RAPGEF6: variants seen among roughly 807,000 people sequenced by gnomAD.
The protein encoded by RAPGEF6 is PDZ domain containing guanine nucleotide exchange factor (GEF) 2.
In RAPGEF6, 56 loss-of-function variants were observed where a neutral mutation model predicts 171.4. The ratio of observed to expected loss-of-function variants is 0.33; its 90% confidence interval spans 0.26 to 0.41. The LOEUF (loss-of-function observed/expected upper bound fraction) is 0.41. Ranked by LOEUF, RAPGEF6 falls within the 10% of genes least tolerant of loss-of-function variation. The pLI, the probability that RAPGEF6 is intolerant of heterozygous loss-of-function variation, is 1.00. For missense variants in RAPGEF6, 1,674 were observed against 1,921.4 expected (o/e 0.87, Z 2.41); for synonymous variants, 692 against 650.1 (o/e 1.06, Z -0.98).
chr5:131,603,206 C>G, intron 3 of RAPGEF6, 65 bp downstream of exon 3: 1 of 1,170,174 alleles, frequency 8.5e-7, no homozygotes, highest in Non-Finnish European at 1.2e-6. Flanking sequence ...AAATGAATTT[C>G]AATGCTAAGA....
chr5:131,465,522 C>G (rs536009653), intron 17 of RAPGEF6, among the ~76,000 whole-genome samples: 1 of 152,136 alleles, frequency 6.6e-6, no homozygotes. Context: ...TGACTCACAC[C>G]TGTAATCCCA....
intron 7 of RAPGEF6, among the ~76,000 whole-genome samples, chr5:131,515,238 T>C (rs1757996666): frequency 6.6e-6 from 1 of 152,236 alleles, no homozygotes; most frequent in South Asian, 2.1e-4. Context: ...TTCCCATCTT[T>C]AGTATTTCAT....
chr5:131,453,994 G>A (rs577121661), intron 20 of RAPGEF6, among the ~76,000 whole-genome samples: 1 of 152,336 alleles, frequency 6.6e-6, no homozygotes, highest in South Asian at 2.1e-4. Context: ...GATCAGAAAA[G>A]CTGGACAAAA....
intron 5 of RAPGEF6, among the ~76,000 whole-genome samples, chr5:131,552,252 A>T (rs1760968703): frequency 6.6e-6 from 1 of 151,712 alleles, no homozygotes; most frequent in Admixed American, 6.6e-5. Context: ...ACAGGAAGAA[A>T]ACTTGCCTGG....
chr5:131,569,885 T>C (rs566495184), intron 4 of RAPGEF6, among the ~76,000 whole-genome samples: 81 of 151,220 alleles, frequency 5.4e-4, no homozygotes, highest in African/African-American at 1.7e-3. Context: ...CTACTAAAAA[T>C]AGAAAAATTA....
rs113498735 is a variant in RAPGEF6, at chr5:131,549,215, T to C, written c.352-1025A>G. The stretch of plus-strand genomic sequence containing the variant: ...AATTAACTATTTTTATAAAGGTATA[T>C]TGATATGCTCTAAAAATCTACCTTT... On this transcript the variant is annotated intron_variant, in intron 5 of 27. Coordinates refer to ENST00000509018, the MANE Select transcript of RAPGEF6 (RefSeq NM_016340.6). Among the ~76,000 whole-genome samples, 593 of 152,312 alleles carry C rather than the reference T, an allele frequency of 3.9e-3. 4 individuals are homozygous for C. Among genetic ancestry groups the C allele is most frequent in the African/African-American group, 0.013 (544 of 41,566 alleles).
At chr5:131,441,918 T>C (rs1170966656) in intron 23 of RAPGEF6, among the ~76,000 whole-genome samples, 1 of 152,208 alleles carries the variant, frequency 6.6e-6, no homozygotes, top group East Asian at 1.9e-4. Flanking sequence ...CTATATTTTA[T>C]AAAAGTTATA....
chr5:131,450,708 T>C (rs768873582), intron 21 of RAPGEF6, among the ~76,000 whole-genome samples: 1 of 152,216 alleles, frequency 6.6e-6, no homozygotes, highest in Non-Finnish European at 1.5e-5. Flanking sequence ...TAGATACTCA[T>C]ACACCACCAA....
chr5:131,455,908 G>T lies in RAPGEF6; in HGVS notation c.2969C>A (p.Ser990Tyr). ...ATTTCTATACTTTGCCATGTTTCTA[G>T]ATGGATCAAAAATGTCTTGTAGATC... The part of the protein sequence containing the change: ...LQDLQDIFDP[S>Y]RNMAKYRNIL... Residue 990 changes from serine to tyrosine, a missense_variant, in exon 20 of 28, where the codon TCT (serine) becomes TAT (tyrosine). By Grantham distance (144) the Ser-to-Tyr change is moderately radical (BLOSUM62 -2). Coordinates refer to ENST00000509018, the MANE Select transcript of RAPGEF6 (RefSeq NM_016340.6). 6.2e-7 allele frequency: 1 copy of T among 1,613,922 alleles called. No individual in the cohort carries two copies. The highest frequency in any genetic ancestry group is 8.5e-7 in the Non-Finnish European group (1 of 1,179,834).
chr5:131,568,358 G>T (rs1312259371), intron 4 of RAPGEF6, among the ~76,000 whole-genome samples: 3 of 148,968 alleles, frequency 2.0e-5, no homozygotes, highest in Admixed American at 2.0e-4. Context: ...TAGAGATAGG[G>T]TCTCATTCTG....
chr5:131,461,740 T>C lies in RAPGEF6; in HGVS notation c.2829A>G (p.Glu943=). 6.2e-7 allele frequency: 1 copy of C among 1,604,496 alleles called. No individual in the cohort carries two copies. Among genetic ancestry groups the C allele is most frequent in the Non-Finnish European group, 8.5e-7 (1 of 1,172,302 alleles). Residue 943 remains glutamate (E), a synonymous_variant, in exon 19 of 28, where the codon GAA becomes GAG. Transcript: ENST00000509018. ...HFIKIALHCR[E]CKNFNSMFAI... ...CAAACATGGAATTGAAGTTCTTACA[T>C]TCTCGACAATGAAGTGCAATTTTAA...
intron 1 of RAPGEF6, among the ~76,000 whole-genome samples, chr5:131,611,980 G>A (rs1764958566): frequency 2.0e-5 from 3 of 152,048 alleles, no homozygotes; most frequent in Admixed American, 2.0e-4. Context: ...AAGATTTCCT[G>A]ACTTTACAAT....
intron 20 of RAPGEF6, among the ~76,000 whole-genome samples, chr5:131,453,945 G>C (rs1294849027): frequency 6.6e-6 from 1 of 152,204 alleles, no homozygotes; most frequent in Non-Finnish European, 1.5e-5. Flanking sequence ...TGAAAGAAGA[G>C]GCAGTAAGAC....
chr5:131,485,162 A>G (rs1316844837), intron 15 of RAPGEF6, among the ~76,000 whole-genome samples: 1 of 152,114 alleles, frequency 6.6e-6, no homozygotes, highest in African/African-American at 2.4e-5. Context: ...CCTAGCCTCA[A>G]GTGATCCTCC....
rs1751350619 is a variant in RAPGEF6 at position 131,425,401 on chromosome 5, A to G, written c.*1865T>C. ...GTGGCCATGAAAACAAAATTATGCAAATCAGTGAAGGAAAAAATGTATAAT... is the reference window on the plus strand; with the variant it reads ...GTGGCCATGAAAACAAAATTATGCAGATCAGTGAAGGAAAAAATGTATAAT... On this transcript the variant is annotated 3_prime_UTR_variant, in exon 28 of 28. Coordinates refer to ENST00000509018, the MANE Select transcript of RAPGEF6 (RefSeq NM_016340.6). 1 of 152,344 alleles carries G rather than the reference A, an allele frequency of 6.6e-6. No homozygotes were observed. Among genetic ancestry groups the G allele is most frequent in the Non-Finnish European group, 1.5e-5 (1 of 68,040 alleles). The allele number at this position is 152,344 out of a possible 1,614,324, so 9.4% of individuals were successfully genotyped here. A position where few individuals can be genotyped will look rare whatever the true frequency, so the allele number is the denominator to read the frequency against.
intron 13 of RAPGEF6, among the ~76,000 whole-genome samples, chr5:131,493,299 C>T (rs1756418244): frequency 6.6e-6 from 1 of 152,040 alleles, no homozygotes; most frequent in South Asian, 2.1e-4. Context: ...CTCTTGACCT[C>T]GTGATCCGCC....
At chr5:131,515,459 A>G (rs1407018500) in intron 7 of RAPGEF6, among the ~76,000 whole-genome samples, 1 of 152,200 alleles carries the variant, frequency 6.6e-6, no homozygotes, top group Non-Finnish European at 1.5e-5. Context: ...CTACTTTCAA[A>G]TATAATTCAG....
Position 131,446,643 on chromosome 5 carries a change from T to A in RAPGEF6, c.3261A>T (p.Lys1087Asn). ...NMLDVQGGAH[K>N]KRARRSSLLN... is the part of the protein sequence containing the mutation. Reference sequence around the variant, plus strand: ...GCAGAGAGCTGCGGCGTGCCCTTTTTTTGTGAGCACCTCCCTGAACATCCA... The same window carrying A: ...GCAGAGAGCTGCGGCGTGCCCTTTTATTGTGAGCACCTCCCTGAACATCCA... Residue 1087 changes from lysine (K) to asparagine (N), a missense_variant, in exon 22 of 28, where the codon AAA becomes AAT. Around this residue, in one of 3 missense-constraint regions of RAPGEF6, gnomAD observed 1,116 missense variants for 1,321.5 expected, o/e 0.84. Transcript: ENST00000509018. 1.2e-6 allele frequency: 2 copies of A among 1,614,240 alleles called. No individual in the cohort carries two copies. The highest frequency in any genetic ancestry group is 1.7e-6 in the Non-Finnish European group (2 of 1,180,018).
intron 24 of RAPGEF6, among the ~76,000 whole-genome samples, chr5:131,438,784 G>A (rs1290823298): frequency 1.3e-5 from 2 of 152,094 alleles, no homozygotes; most frequent in African/African-American, 4.8e-5. Flanking sequence ...ATGAGATTCT[G>A]TATAAGTAAA....
Sources: allele counts gnomAD v4.1 joint callset (sites outside exome capture counted in the v4.1 genomes callset), GRCh38; gene constraint gnomAD v4.1.1; regional missense constraint gnomAD v4.1.1; transcripts MANE v1.5; gene names NCBI Gene and HGNC (gene_info 2026-07-23, HGNC 2026-07-21).